SGCD: variants seen among roughly 807,000 people sequenced by gnomAD.
The protein encoded by SGCD is delta-sarcoglycan.
In SGCD, 18 loss-of-function variants were observed where a neutral mutation model predicts 36.6. That is an observed-to-expected ratio of 0.49 (90% confidence interval 0.34 to 0.73). The LOEUF is 0.73. Among genes scored for constraint, SGCD ranks in the 30% least tolerant of loss-of-function variants. SGCD has a pLI of 0.01. For synonymous variants in SGCD, 133 were observed against 130.6 expected, an observed-to-expected ratio of 1.02 and a Z score of -0.12; for missense variants, 387 against 346.7, an observed-to-expected ratio of 1.12 and a Z score of -0.92.
chr5:156,679,565 A>G (rs1753646300), intron 7 of SGCD, among the ~76,000 whole-genome samples: 1 of 152,166 alleles, frequency 6.6e-6, no homozygotes, highest in Non-Finnish European at 1.5e-5. Context: ...TTCATAACAC[A>G]TTGGGCAGGA....
chr5:156,643,957 A>G (rs1017424819), intron 6 of SGCD, among the ~76,000 whole-genome samples: 7 of 152,172 alleles, frequency 4.6e-5, no homozygotes, highest in African/African-American at 1.7e-4. Context: ...AAACCCAACG[A>G]TGATTTTTAG....
At chr5:156,280,172 A>C (rs1766416291) in intron 3 of SGCD, among the ~76,000 whole-genome samples, 1 of 152,198 alleles carries the variant, frequency 6.6e-6, no homozygotes, top group Non-Finnish European at 1.5e-5. Context: ...TAATTAAAAA[A>C]CAAAAAGCCA....
intron 3 of SGCD, among the ~76,000 whole-genome samples, chr5:156,491,596 G>GT (rs1297593994): frequency 3.3e-5 from 5 of 152,092 alleles, no homozygotes; most frequent in Middle Eastern, 3.2e-3. Flanking sequence ...GTACAATCAT[G>GT]TATCAATGAA....
intron 4 of SGCD, among the ~76,000 whole-genome samples, chr5:156,571,219 T>C (rs1759709243): frequency 6.6e-6 from 1 of 152,126 alleles, no homozygotes; most frequent in Non-Finnish European, 1.5e-5. Flanking sequence ...CTAATTATTG[T>C]ATTTTTAGTA....
At chr5:156,554,591 A>G (rs918992695) in intron 4 of SGCD, among the ~76,000 whole-genome samples, 1 of 149,310 alleles carries the variant, frequency 6.7e-6, no homozygotes, top group African/African-American at 2.4e-5. Context: ...GCATATGTGT[A>G]TATATATATG....
chr5:155,981,668 C>G (rs370450226), intron 1 of SGCD, among the ~76,000 whole-genome samples: 1 of 152,172 alleles, frequency 6.6e-6, no homozygotes, highest in Non-Finnish European at 1.5e-5. Flanking sequence ...TTCACCAACA[C>G]AGCATGCATT....
intron 3 of SGCD, among the ~76,000 whole-genome samples, chr5:156,296,959 C>G (rs1766910456): frequency 6.6e-6 from 1 of 151,676 alleles, no homozygotes; most frequent in South Asian, 2.1e-4. Context: ...CATACACACA[C>G]TATATATAGT....
chr5:156,014,874 G>A (rs1328632582), intron 1 of SGCD, among the ~76,000 whole-genome samples: 1 of 152,176 alleles, frequency 6.6e-6, no homozygotes, highest in South Asian at 2.1e-4. Context: ...GTTTGAAAAT[G>A]CTTCCTCGTA....
At chr5:155,897,259 A>G (rs1452375052) in intron 1 of SGCD, among the ~76,000 whole-genome samples, 2 of 152,200 alleles carry the variant, frequency 1.3e-5, no homozygotes, top group African/African-American at 4.8e-5. Flanking sequence ...GGAAGTATTT[A>G]TTTATCTAAG....
the SGCD span, among the ~76,000 whole-genome samples, chr5:155,764,620 A>G: frequency 2.6e-5 from 4 of 152,154 alleles, no homozygotes; most frequent in African/African-American, 7.2e-5. Context: ...CTTTGCTGGC[A>G]TCATGTCTGC....
Position 156,388,702 on chromosome 5 carries a change from C to A in SGCD, c.192+44025C>A, listed in dbSNP as rs188083724. 7.4e-3 allele frequency among the ~76,000 whole-genome samples: 1,132 copies of A among 152,262 alleles called. 22 individuals carry two copies. The highest frequency in any genetic ancestry group is 0.026 in the African/African-American group (1,077 of 41,548). On this transcript the variant is annotated intron_variant, in intron 3 of 8. Coordinates refer to ENST00000337851, the MANE Select transcript of SGCD (RefSeq NM_000337.6). The stretch of plus-strand genomic sequence containing the variant: ...TCAGCAATGTTGTGATTCTTCTTGA[C>A]AAAATAAATGTAACTTCTAAAATTT...
intron 7 of SGCD, among the ~76,000 whole-genome samples, chr5:156,741,662 C>T (rs952956011): frequency 1.3e-5 from 2 of 152,164 alleles, no homozygotes; most frequent in Non-Finnish European, 1.5e-5. Context: ...GTAACAGAGG[C>T]TGGACACTTT....
chr5:155,818,259 T>C, the SGCD span, among the ~76,000 whole-genome samples: 2 of 152,106 alleles, frequency 1.3e-5, no homozygotes, highest in African/African-American at 2.4e-5. Flanking sequence ...CCAGCAGGAC[T>C]CATTTCAAAG....
At chr5:156,678,630 A>G (rs1259704389) in intron 7 of SGCD, among the ~76,000 whole-genome samples, 1 of 152,232 alleles carries the variant, frequency 6.6e-6, no homozygotes, top group African/African-American at 2.4e-5. Flanking sequence ...GTGATGGTTC[A>G]TTATTATTTC....
intron 6 of SGCD, among the ~76,000 whole-genome samples, chr5:156,608,849 C>A (rs374623701): frequency 0.25 from 37,179 of 148,880 alleles, 3,685 homozygotes; most frequent in East Asian, 0.3. Flanking sequence ...CTGTTTTATC[C>A]GAGACTAGGA....
chr5:155,735,449 C>A, the SGCD span, among the ~76,000 whole-genome samples: 2 of 152,152 alleles, frequency 1.3e-5, no homozygotes, highest in Non-Finnish European at 2.9e-5. Flanking sequence ...TAGAGATAAT[C>A]TAGTCCAATC....
intron 1 of SGCD, among the ~76,000 whole-genome samples, chr5:155,902,953 AT>A (rs2113341420): frequency 6.6e-6 from 1 of 152,222 alleles, no homozygotes; most frequent in South Asian, 2.1e-4. Flanking sequence ...AATCAGTTTT[AT>A]TTCTTTTGAG....
At chr5:156,677,709 T>C (rs1753569491) in intron 7 of SGCD, among the ~76,000 whole-genome samples, 1 of 151,424 alleles carries the variant, frequency 6.6e-6, no homozygotes, top group African/African-American at 2.4e-5. Flanking sequence ...AAGAGTCTGG[T>C]GGAGAAAATT....
intron 7 of SGCD, among the ~76,000 whole-genome samples, chr5:156,733,237 A>T (rs1756172418): frequency 6.6e-6 from 1 of 151,988 alleles, no homozygotes; most frequent in Non-Finnish European, 1.5e-5. Flanking sequence ...TGTGTCCCCG[A>T]GATTCTGATA....
Sources: allele counts gnomAD v4.1 joint callset (sites outside exome capture counted in the v4.1 genomes callset), GRCh38; gene constraint gnomAD v4.1.1; transcripts MANE v1.5; gene names NCBI Gene and HGNC (gene_info 2026-07-23, HGNC 2026-07-21).